OR6B3: variants seen among roughly 807,000 people sequenced by gnomAD.
OR6B3 encodes the protein olfactory receptor family 6 subfamily B member 3.
For synonymous variants in OR6B3, 148 were observed against 187.8 expected (o/e 0.79, Z 1.73); for missense variants, 315 against 427.4 (o/e 0.74, Z 2.32).
At position 240,045,573 on chromosome 2, in the gene OR6B3, G is replaced by A. The variant is rs376861624; in HGVS notation, c.500C>T (p.Thr167Met). Residue 167 changes from threonine to methionine, a missense_variant, in exon 2 of 2, where the codon ACG becomes ATG. Transcript: ENST00000641019. Reference sequence around the variant, plus strand: ...GTTCAAGACGTTGGAGCCACAGAACGTGACGCTGGAGATAAAACAGACCTT... The same window carrying A: ...GTTCAAGACGTTGGAGCCACAGAACATGACGCTGGAGATAAAACAGACCTT... 2.1e-5 allele frequency: 33 copies of A among 1,548,424 alleles called. No individual in the cohort carries two copies. Among genetic ancestry groups the A allele is most frequent in the African/African-American group, 1.5e-4 (11 of 73,424 alleles).
the OR6B3 span, among the ~76,000 whole-genome samples, chr2:240,053,118 A>G: frequency 6.6e-6 from 1 of 152,178 alleles, no homozygotes; most frequent in Non-Finnish European, 1.5e-5. The surrounding 1 kb of genome is among the most constrained non-coding windows in gnomAD (Gnocchi z 4.1). Context: ...ATAGGGAGAC[A>G]GATTTTATGG....
At chr2:240,045,103 G>C in exon 2 of OR6B3, 9 of 1,600,940 alleles carry the variant, frequency 5.6e-6, no homozygotes, top group Non-Finnish European at 7.7e-6. Context: ...TGTATTTGGA[G>C]ATGAAGTTCC....
intron 1 of OR6B3, among the ~76,000 whole-genome samples, chr2:240,046,540 T>C (rs916580224): frequency 1.2e-4 from 18 of 151,974 alleles, no homozygotes; most frequent in Admixed American, 3.9e-4. Context: ...TGTTACCTGG[T>C]TTTAGGGTTG....
Position 240,045,593 on chromosome 2 carries a change from G to C in OR6B3, c.480C>G (p.Val160=), listed in dbSNP as rs202146039. ...AGAACGTGACGCTGGAGATAAAACA[G>C]ACCTTGATCATGGAGATGGTGAAGC... Residue 160 remains valine (V), a synonymous_variant, in exon 2 of 2, where the codon GTC becomes GTG. Transcript: ENST00000641019. 2.0e-3 allele frequency: 3,071 copies of C among 1,509,210 alleles called. 50 individuals carry two copies. The African/African-American group carries it at 0.038, about 19-fold the overall frequency. The allele number at this position is 1,509,210 out of a possible 1,614,324, so 93.5% of individuals were successfully genotyped here.
chr2:240,053,350 C>T, the OR6B3 span, among the ~76,000 whole-genome samples: 2 of 152,188 alleles, frequency 1.3e-5, no homozygotes, highest in African/African-American at 2.4e-5. The surrounding 1 kb of genome is among the most constrained non-coding windows in gnomAD (Gnocchi z 4.1). Context: ...GAGGCAACAC[C>T]GTTCAAGGTC....
upstream of OR6B3, among the ~76,000 whole-genome samples, chr2:240,047,939 C>T (rs76721676): frequency 0.046 from 7,009 of 151,940 alleles, 254 homozygotes; most frequent in South Asian, 0.12. Flanking sequence ...CCCCAAATAG[C>T]AGAGAAATTG....
chr2:240,049,906 G>T (rs115042811), upstream of OR6B3, among the ~76,000 whole-genome samples: 6,958 of 152,100 alleles, frequency 0.046, 175 homozygotes, highest in Non-Finnish European at 0.058. Context: ...AATCAAAAGG[G>T]TATGTTATAT....
At chr2:240,045,740 C>T (rs1480128129) in exon 2 of OR6B3, 4 of 1,384,840 alleles carry the variant, frequency 2.9e-6, no homozygotes, top group South Asian at 1.2e-5. Context: ...GAAGCACACA[C>T]TCGGTGCACA....
upstream of OR6B3, among the ~76,000 whole-genome samples, chr2:240,047,587 C>G (rs1698210280): frequency 6.6e-6 from 1 of 152,120 alleles, no homozygotes; most frequent in Non-Finnish European, 1.5e-5. Flanking sequence ...TATGGCAACC[C>G]TTTTTCTGTG....
upstream of OR6B3, among the ~76,000 whole-genome samples, chr2:240,048,514 G>A (rs1006935310): frequency 2.6e-5 from 4 of 152,158 alleles, no homozygotes; most frequent in Non-Finnish European, 5.9e-5. Flanking sequence ...GGAGGTGCTT[G>A]TGAAGCACCT....
At chr2:240,046,012 G>A in exon 2 of OR6B3, 1 of 1,613,020 alleles carries the variant, frequency 6.2e-7, no homozygotes, top group Non-Finnish European at 8.5e-7. Flanking sequence ...TGCAGCCCTG[G>A]GGCCGTGGGG....
chr2:240,050,080 T>TA (rs56929241), upstream of OR6B3, among the ~76,000 whole-genome samples: 25,604 of 144,758 alleles, frequency 0.18, 3,187 homozygotes, highest in African/African-American at 0.36. Context: ...ATGACTGGAG[T>TA]AAAAAAAAAA....
chr2:240,049,610 C>T (rs1698231144), upstream of OR6B3, among the ~76,000 whole-genome samples: 1 of 152,172 alleles, frequency 6.6e-6, no homozygotes, highest in Non-Finnish European at 1.5e-5. Context: ...CATTCAGACA[C>T]AGCGTATCCA....
chr2:240,050,181 G>T (rs1464949256), upstream of OR6B3, among the ~76,000 whole-genome samples: 2 of 152,184 alleles, frequency 1.3e-5, no homozygotes, highest in South Asian at 4.2e-4. Flanking sequence ...TATTGTATTA[G>T]GTTGGTGCAA....
rs550702534 is a variant in OR6B3 at position 240,046,170 on chromosome 2, G to A, written c.-25-73C>T. On this transcript the variant is annotated intron_variant, in intron 1 of 1. Coordinates refer to ENST00000641019, the Ensembl canonical transcript of OR6B3. ...GCAGAGGGAGAGTGGAGCTGGACCTGGATAGGGAGTTTTGGTGTAAAGAGA... is the reference window on the plus strand; with the variant it reads ...GCAGAGGGAGAGTGGAGCTGGACCTAGATAGGGAGTTTTGGTGTAAAGAGA... The A allele has an allele frequency of 3.0e-5, 33 of 1,094,072 alleles. No homozygotes were observed. In the African/African-American group the frequency reaches 4.3e-4, roughly 14 times the overall value. 67.8% of individuals were successfully genotyped at this position (1,094,072 alleles called of 1,614,324 possible).
At chr2:240,046,093 C>A (rs759052258) in exon 2 of OR6B3, 2 of 1,591,574 alleles carry the variant, frequency 1.3e-6, no homozygotes, top group South Asian at 2.3e-5. Context: ...TTGGGAGCTG[C>A]AGGCCTACAA....
At chr2:240,044,935 A>G (rs558737294), downstream of OR6B3, 3 of 694,782 alleles carry the variant, frequency 4.3e-6, no homozygotes, top group East Asian at 2.7e-5. Flanking sequence ...AAAACAAGAA[A>G]GTACTGGTAT....
chr2:240,053,499 A>G, the OR6B3 span, among the ~76,000 whole-genome samples: 3 of 152,088 alleles, frequency 2.0e-5, no homozygotes, highest in Admixed American at 1.3e-4. The surrounding 1 kb of genome is among the most constrained non-coding windows in gnomAD (Gnocchi z 4.1). Flanking sequence ...GCAGGCAATG[A>G]TGTGTCTCTG....
upstream of OR6B3, among the ~76,000 whole-genome samples, chr2:240,050,289 A>T (rs1170248916): frequency 6.6e-6 from 1 of 152,268 alleles, no homozygotes; most frequent in Non-Finnish European, 1.5e-5. Context: ...ACAAAAAGAA[A>T]GCATGACTGC....
Sources: gnomAD v4.1 joint callset for allele counts (sites outside exome capture counted in the v4.1 genomes callset) on GRCh38, gnomAD v4.1.1 for gene constraint, Gnocchi (gnomAD v3.1) non-coding constraint, MANE v1.5 for transcripts, NCBI Gene and HGNC (gene_info 2026-07-23, HGNC 2026-07-21) for gene names.